The following SPAG16 variants were observed in gnomAD, a reference collection of about 807,000 sequenced individuals.
SPAG16 encodes the protein sperm-associated antigen 16 protein.
In SPAG16, 86 loss-of-function variants were observed where a neutral mutation model predicts 80.4. That is an observed-to-expected ratio of 1.07 (90% CI 0.90 to 1.28). The LOEUF (loss-of-function observed/expected upper bound fraction) is 1.28, where lower values mean the gene tolerates loss of function less well. Ranked by LOEUF, SPAG16 falls within the 50% of genes most tolerant of loss-of-function variation. The pLI is 0.00. For missense variants in SPAG16, 870 were observed against 765.3 expected (o/e 1.14, Z -1.61); for synonymous variants, 294 against 265.9 (o/e 1.11, Z -1.03).
At chr2:214,069,651 G>A (rs1045598125) in intron 13 of SPAG16, among the ~76,000 whole-genome samples, 3 of 152,020 alleles carry the variant, frequency 2.0e-5, no homozygotes, top group Admixed American at 2.0e-4. Flanking sequence ...ATTATCAGGA[G>A]GAACATGATA....
At chr2:214,299,147 G>A (rs1388225745) in intron 15 of SPAG16, among the ~76,000 whole-genome samples, 2 of 151,600 alleles carry the variant, frequency 1.3e-5, no homozygotes, top group Middle Eastern at 3.2e-3. Context: ...TTATAGTCAG[G>A]AATGAATGTA....
intron 10 of SPAG16, among the ~76,000 whole-genome samples, chr2:213,754,684 A>ATGAAATCTTAAATATAATGT (rs138074351): frequency 1.2e-4 from 18 of 152,160 alleles, no homozygotes; most frequent in Middle Eastern, 3.4e-3. Flanking sequence ...ATTAGTCAAA[A>ATGAAATCTTAAATATAATGT]TGAAATAAAA....
At chr2:214,167,120 G>A (rs2125621718) in intron 15 of SPAG16, among the ~76,000 whole-genome samples, 1 of 152,274 alleles carries the variant, frequency 6.6e-6, no homozygotes, top group Middle Eastern at 3.4e-3. Context: ...CATATGTCTG[G>A]AAGGAAGAGA....
intron 15 of SPAG16, among the ~76,000 whole-genome samples, chr2:214,288,752 C>CTTATTTATTTATTTAT (rs58056064): frequency 0.2 from 28,843 of 141,278 alleles, 3,323 homozygotes; most frequent in Non-Finnish European, 0.23. Context: ...CCTTTGCCCA[C>CTTATTTATTTATTTAT]TTATTTATTT....
chr2:214,153,194 C>G (rs927674180), intron 15 of SPAG16, among the ~76,000 whole-genome samples: 3 of 152,018 alleles, frequency 2.0e-5, no homozygotes, highest in Admixed American at 2.0e-4. Flanking sequence ...GGGTGTCTTC[C>G]CAGACGCTGG....
At chr2:214,278,348 A>G (rs1692634687) in intron 15 of SPAG16, among the ~76,000 whole-genome samples, 1 of 152,158 alleles carries the variant, frequency 6.6e-6, no homozygotes, top group Admixed American at 6.5e-5. Context: ...TCCCAGTGAG[A>G]TGAACCAGGT....
chr2:213,295,974 A>G (rs765453338), intron 1 of SPAG16, 90 bp from the exon 2 acceptor site: 5 of 1,078,126 alleles, frequency 4.6e-6, no homozygotes, highest in Non-Finnish European at 7.1e-6. Context: ...GAGATAGTTG[A>G]ATCCAATACT....
intron 10 of SPAG16, among the ~76,000 whole-genome samples, chr2:213,751,342 C>T (rs1468641815): frequency 6.6e-6 from 1 of 152,150 alleles, no homozygotes; most frequent in Non-Finnish European, 1.5e-5. Flanking sequence ...ACTCAACATA[C>T]CCCACAGCTG....
chr2:213,787,016 G>A (rs1324767962), intron 10 of SPAG16, among the ~76,000 whole-genome samples: 1 of 152,084 alleles, frequency 6.6e-6, no homozygotes, highest in African/African-American at 2.4e-5. Flanking sequence ...TGTGTGAAAG[G>A]TCTAAGAAAA....
At chr2:213,633,240 T>A (rs1352566725) in intron 10 of SPAG16, among the ~76,000 whole-genome samples, 1 of 152,196 alleles carries the variant, frequency 6.6e-6, no homozygotes, top group East Asian at 1.9e-4. Context: ...TTCCAGATTT[T>A]CCAATATGTT....
intron 15 of SPAG16, among the ~76,000 whole-genome samples, chr2:214,320,920 A>G (rs556908053): frequency 2.0e-5 from 3 of 152,342 alleles, no homozygotes; most frequent in Non-Finnish European, 4.4e-5. Flanking sequence ...AAATTAATTA[A>G]TGAAGAAAAT....
chr2:213,805,466 G>A (rs1308614986), intron 10 of SPAG16, among the ~76,000 whole-genome samples: 1 of 152,146 alleles, frequency 6.6e-6, no homozygotes, highest in Non-Finnish European at 1.5e-5. Flanking sequence ...ATTTGACAGG[G>A]CTTCAGAGAA....
At chr2:213,841,603 A>G (rs2074367960) in intron 10 of SPAG16, among the ~76,000 whole-genome samples, 1 of 152,028 alleles carries the variant, frequency 6.6e-6, no homozygotes, top group African/African-American at 2.4e-5. Flanking sequence ...AGGTTTCATT[A>G]TTTTTCTGGT....
At chr2:214,140,813 T>G (rs2055312536) in intron 14 of SPAG16, among the ~76,000 whole-genome samples, 1 of 151,934 alleles carries the variant, frequency 6.6e-6, no homozygotes, top group South Asian at 2.1e-4. Flanking sequence ...TTTTGGGAAT[T>G]TTGTTATTGT....
chr2:214,161,483 A>G (rs2056435016), intron 15 of SPAG16, among the ~76,000 whole-genome samples: 2 of 152,088 alleles, frequency 1.3e-5, no homozygotes, highest in South Asian at 2.1e-4. Flanking sequence ...TGACATTTTA[A>G]TAATTGCCAT....
chr2:213,738,315 A>T (rs187912437), intron 10 of SPAG16, among the ~76,000 whole-genome samples: 70 of 152,326 alleles, frequency 4.6e-4, no homozygotes, highest in African/African-American at 1.6e-3. Context: ...CTAAACATAC[A>T]TACTTATGAT....
At chr2:214,016,865 TAAGA>T (rs982130359) in intron 13 of SPAG16, among the ~76,000 whole-genome samples, 2 of 152,074 alleles carry the variant, frequency 1.3e-5, no homozygotes, top group African/African-American at 2.4e-5. Context: ...CCTGGGTCAA[TAAGA>T]AAGAGAAATG....
intron 10 of SPAG16, among the ~76,000 whole-genome samples, chr2:213,802,799 CTCTT>C (rs1223650285): frequency 1.3e-5 from 2 of 151,982 alleles, no homozygotes; most frequent in African/African-American, 4.8e-5. Flanking sequence ...TTCTGTCTCT[CTCTT>C]TTTTTAATCT....
chr2:213,640,870 G>T (rs2125111264), intron 10 of SPAG16, among the ~76,000 whole-genome samples: 1 of 152,236 alleles, frequency 6.6e-6, no homozygotes. Flanking sequence ...TGAGTTGGTT[G>T]GCCTTCATCC....
Sources: allele counts gnomAD v4.1 joint callset (sites outside exome capture counted in the v4.1 genomes callset), GRCh38; gene constraint gnomAD v4.1.1; transcripts MANE v1.5; gene names NCBI Gene and HGNC (gene_info 2026-07-23, HGNC 2026-07-21).